The following RNF213 variants were observed in gnomAD, a reference collection of about 807,000 sequenced individuals.
RNF213 encodes E3 ubiquitin-protein ligase RNF213.
A neutral mutation model predicts 514.4 loss-of-function variants in RNF213; 341 were observed. The observed-to-expected ratio is 0.66, with a 90% CI of 0.61 to 0.73. The LOEUF is 0.73. Among genes scored for constraint, RNF213 ranks in the 30% least tolerant of loss-of-function variants. RNF213 has a pLI of 0.00. For missense variants in RNF213, 5,767 were observed against 6,615.6 expected, an observed-to-expected ratio of 0.87 and a Z score of 4.45; for synonymous variants, 2,655 against 2,658.2, an observed-to-expected ratio of 1.00 and a Z score of 0.04.
intron 63 of RNF213, among the ~76,000 whole-genome samples, chr17:80,388,020 C>T (rs942909823): frequency 6.9e-6 from 1 of 145,430 alleles, no homozygotes; most frequent in African/African-American, 2.6e-5. Flanking sequence ...ATTGCAGTGG[C>T]GCAATCTCAG....
chr17:80,350,865 C>T (rs777585403), intron 31 of RNF213, among the ~76,000 whole-genome samples: 5 of 152,174 alleles, frequency 3.3e-5, no homozygotes, highest in African/African-American at 4.8e-5. Context: ...AAAAGGATGC[C>T]TTTGAAGCCT....
chr17:80,304,221 C>T (rs1378371083), intron 11 of RNF213, among the ~76,000 whole-genome samples: 1 of 151,996 alleles, frequency 6.6e-6, no homozygotes, highest in African/African-American at 2.4e-5. Context: ...TCTAGGGAGC[C>T]TTGCTTTATT....
intron 14 of RNF213, among the ~76,000 whole-genome samples, chr17:80,311,399 G>C (rs2045567538): frequency 6.6e-6 from 1 of 152,184 alleles, no homozygotes; most frequent in Non-Finnish European, 1.5e-5. Flanking sequence ...GGCCATCGCT[G>C]TCCAGCCCTG....
chr17:80,301,216 A>G (rs935151756), intron 11 of RNF213, among the ~76,000 whole-genome samples: 9 of 152,158 alleles, frequency 5.9e-5, no homozygotes, highest in Admixed American at 2.0e-4. Context: ...ATCTTTGCCC[A>G]TTCCTATGTC....
chr17:80,350,474 A>C, intron 31 of RNF213, 78 bp downstream of exon 31: 1 of 846,290 alleles, frequency 1.2e-6, no homozygotes, highest in Non-Finnish European at 2.0e-6. Flanking sequence ...TTTTCCTTGA[A>C]GACAGTATAG....
intron 57 of RNF213, 97 bp downstream of exon 57, chr17:80,381,824 T>A: frequency 8.8e-7 from 1 of 1,140,914 alleles, no homozygotes; most frequent in Non-Finnish European, 1.3e-6. Context: ...ACAGCCAGTC[T>A]GAGCTCTGTC....
chr17:80,301,382 C>G (rs1186051673), intron 11 of RNF213, among the ~76,000 whole-genome samples: 4 of 152,136 alleles, frequency 2.6e-5, no homozygotes, highest in Non-Finnish European at 5.9e-5. Flanking sequence ...AGTGAAGAGA[C>G]AGTCCACGGA....
At position 80,343,781 on chromosome 17, in the gene RNF213, TAAG is replaced by T. The variant is rs1177362092; in HGVS notation, c.6184-75_6184-73del. 99 of 1,484,760 alleles carry T rather than the reference TAAG, an allele frequency of 6.7e-5. No homozygotes were observed. The highest frequency in any genetic ancestry group is 8.6e-5 in the Non-Finnish European group (92 of 1,063,792). The allele number at this position is 1,484,760 out of a possible 1,614,324, so 92.0% of individuals were successfully genotyped here. A position where few individuals can be genotyped will look rare whatever the true frequency, so the allele number is the denominator to read the frequency against. ...AGGATCATCGTGACAAAGAGCAAAA[TAAG>T]GAGGGGTTACTTAGAGTTGGGAGAA... On this transcript the variant is annotated intron_variant, in intron 27 of 67. Coordinates refer to ENST00000582970, the MANE Select transcript of RNF213 (RefSeq NM_001256071.3). The surrounding 1 kb of genome is among the most constrained non-coding windows in gnomAD (Gnocchi z 4.3).
At position 80,343,320 on chromosome 17, in the gene RNF213, T is replaced by G. The variant is rs1283322404; in HGVS notation, c.6178T>G (p.Ser2060Ala). The change falls in exon 27 of 68, where the codon TCC becomes GCC. Residue 2060 changes from serine to alanine, a missense_variant. Physicochemically the swap from Ser to Ala is moderately conservative, Grantham distance 99. Coordinates refer to ENST00000582970, the MANE Select transcript of RNF213 (RefSeq NM_001256071.3). This position sits in a 1 kb window ranked among gnomAD's most constrained non-coding sequence, Gnocchi z 4.3. ...CGTGCTCTTTCACCTGGACGTGACC[T>G]CCTCAGTAAGTGCCCTCCAGCGTCA... ...VPVLFHLDVT[S>A]SVQTGIWVFL... 3 of 1,611,604 alleles carry G rather than the reference T, an allele frequency of 1.9e-6. No individual in the cohort carries two copies. The highest frequency in any genetic ancestry group is 1.7e-5 in the Admixed American group (1 of 59,950).
At chr17:80,322,217 A>G (rs1270502929) in intron 17 of RNF213, among the ~76,000 whole-genome samples, 3 of 117,580 alleles carry the variant, frequency 2.6e-5, no homozygotes, top group Non-Finnish European at 4.8e-5. Flanking sequence ...CTGGAATACA[A>G]TGGCACGATC....
At position 80,287,801 on chromosome 17, in the gene RNF213, C is replaced by T. The variant is rs1568013695; in HGVS notation, c.262-14C>T. The stretch of plus-strand genomic sequence containing the variant: ...AATCTAAGAAATAAAGTGAGTGTCT[C>T]TCTTTCTGTTTAGAGCAAAAAGAAG... On this transcript the variant is annotated splice_polypyrimidine_tract_variant and intron_variant, in intron 3 of 67. Coordinates refer to ENST00000582970, the MANE Select transcript of RNF213 (RefSeq NM_001256071.3). The T allele has an allele frequency of 6.2e-7, 1 of 1,612,574 alleles. No individual in the cohort carries two copies. Among genetic ancestry groups the T allele is most frequent in the Non-Finnish European group, 8.5e-7 (1 of 1,178,784 alleles).
chr17:80,358,089 A>C (rs1333848281), intron 36 of RNF213, among the ~76,000 whole-genome samples, 199 bp from the exon 37 acceptor site: 3 of 152,260 alleles, frequency 2.0e-5, no homozygotes, highest in Non-Finnish European at 2.9e-5. Flanking sequence ...TTCCGTCTCT[A>C]ATCTTAGACA....
At position 80,363,148 on chromosome 17, in the gene RNF213, C is replaced by A. The variant is rs147981155; in HGVS notation, c.11402C>A (p.Ala3801Glu). The change falls in exon 40 of 68, where the codon GCG becomes GAG. Residue 3801 changes from alanine (A) to glutamate (E), a missense_variant. Ala to Glu is a moderately radical substitution (Grantham distance 107, BLOSUM62 -1). Coordinates refer to ENST00000582970, the MANE Select transcript of RNF213 (RefSeq NM_001256071.3). ...LWSCTRKLKAASEAPEEEVSL... is the reference protein window; with the variant it reads ...LWSCTRKLKAESEAPEEEVSL... ...TCCTGCACTAGGAAACTGAAAGCGG[C>A]GTCAGAAGCGCCCGAGGAAGAGGTT... 35 of 1,614,086 alleles carry A rather than the reference C, an allele frequency of 2.2e-5. No individual in the cohort carries two copies. The Admixed American group carries it at 5.7e-4, about 26-fold the overall frequency.
chr17:80,298,698 C>G, intron 11 of RNF213, 180 bp downstream of exon 11: 2 of 687,556 alleles, frequency 2.9e-6, no homozygotes, highest in African/African-American at 1.8e-5. Flanking sequence ...TGCACAGTGG[C>G]TCACGCCTGT....
intron 40 of RNF213, 83 bp from the exon 41 acceptor site, chr17:80,363,526 A>G (rs1422564890): frequency 3.9e-5 from 58 of 1,487,000 alleles, no homozygotes; most frequent in Non-Finnish European, 5.1e-5. Flanking sequence ...GGACACAAGT[A>G]TACATGCAGC....
chr17:80,352,051 C>T, intron 32 of RNF213: 1 of 345,328 alleles, frequency 2.9e-6, no homozygotes, highest in East Asian at 6.8e-5. Flanking sequence ...GACGGGGTTT[C>T]ACCACGTTGG....
intron 2 of RNF213, among the ~76,000 whole-genome samples, chr17:80,271,459 T>C (rs1479031016): frequency 6.6e-6 from 1 of 152,088 alleles, no homozygotes. Context: ...GGATGAAGTG[T>C]CCAGACAGGG....
chr17:80,295,757 C>T lies in RNF213; in HGVS notation c.1956C>T (p.Ala652=). 1 of 1,614,130 alleles carries T rather than the reference C, an allele frequency of 6.2e-7. No individual in the cohort carries two copies. ...DWLCHLLTSD[A]SSPDEFHRDL... ...TGTGTCACCTCCTAACCTCAGATGC[C>T]AGCTCACCAGATGAGTTTCACCGTG... Residue 652 remains alanine, a synonymous_variant, in exon 10 of 68, where the codon GCC becomes GCT. Coordinates refer to ENST00000582970, the MANE Select transcript of RNF213 (RefSeq NM_001256071.3).
chr17:80,265,127 A>G (rs1423247021), intron 2 of RNF213, among the ~76,000 whole-genome samples: 1 of 149,760 alleles, frequency 6.7e-6, no homozygotes, highest in Non-Finnish European at 1.5e-5. Flanking sequence ...GCTCACTGCA[A>G]CCTCTGCCTC....
Sources: gnomAD v4.1 joint callset for allele counts (sites outside exome capture counted in the v4.1 genomes callset) on GRCh38, gnomAD v4.1.1 for gene constraint, Gnocchi (gnomAD v3.1) non-coding constraint, MANE v1.5 for transcripts, NCBI Gene and HGNC (gene_info 2026-07-23, HGNC 2026-07-21) for gene names.